Variants in SPOCK1 observed in about 807,000 individuals in gnomAD.
The protein encoded by SPOCK1 is SPARC (osteonectin), cwcv and kazal like domains proteoglycan 1.
A neutral mutation model predicts 55.3 loss-of-function variants in SPOCK1; 23 were observed. The ratio of observed to expected loss-of-function variants is 0.42; its 90% CI spans 0.30 to 0.59. The LOEUF (loss-of-function observed/expected upper bound fraction) is 0.59. Ranked by LOEUF, SPOCK1 falls within the 20% of genes least tolerant of loss-of-function variation. The pLI is 0.22. For synonymous variants in SPOCK1, 226 were observed against 221.0 expected (o/e 1.02, Z -0.20); for missense variants, 499 against 552.5 (o/e 0.90, Z 0.97).
chr5:137,492,948 C>T (rs1452057360), intron 2 of SPOCK1, among the ~76,000 whole-genome samples: 2 of 152,228 alleles, frequency 1.3e-5, no homozygotes, highest in Admixed American at 1.3e-4. Context: ...TGTCTTACTC[C>T]TTGACGGTTC....
intron 4 of SPOCK1, among the ~76,000 whole-genome samples, chr5:137,131,711 G>A (rs1358437715): frequency 1.3e-5 from 2 of 151,496 alleles, no homozygotes; most frequent in Admixed American, 6.6e-5. Context: ...GGTAGCTCAC[G>A]CCTGTAATCC....
At chr5:137,257,386 T>C (rs1316682849) in intron 3 of SPOCK1, among the ~76,000 whole-genome samples, 1 of 152,150 alleles carries the variant, frequency 6.6e-6, no homozygotes, top group African/African-American at 2.4e-5. Flanking sequence ...GGGTGAACCC[T>C]CTTGGATGTG....
At chr5:137,461,316 G>A (rs1753484728) in intron 2 of SPOCK1, among the ~76,000 whole-genome samples, 1 of 152,236 alleles carries the variant, frequency 6.6e-6, no homozygotes, top group Non-Finnish European at 1.5e-5. Context: ...CAGCTACAGA[G>A]TTTCTAGTTT....
chr5:137,195,177 C>G (rs149760301), intron 3 of SPOCK1, among the ~76,000 whole-genome samples: 1 of 152,340 alleles, frequency 6.6e-6, no homozygotes, highest in Non-Finnish European at 1.5e-5. Flanking sequence ...TTTGGCCTGT[C>G]CTTTTAATGC....
chr5:137,229,047 AT>A lies in SPOCK1; in HGVS notation c.232+37962del, dbSNP rs200428772. Among the ~76,000 whole-genome samples, 1,447 of 152,230 alleles carry A rather than the reference AT, an allele frequency of 9.5e-3. 18 individuals are homozygous for A. Among genetic ancestry groups the A allele is most frequent in the African/African-American group, 0.032 (1,342 of 41,538 alleles). On this transcript the variant is annotated intron_variant, in intron 3 of 10. Coordinates refer to ENST00000394945, the MANE Select transcript of SPOCK1 (RefSeq NM_004598.4). ...CCAGTCCAGGCCTTCTTAAATTCTG[AT>A]TAGGGGAATTTGTGGTCAGACTGCA...
chr5:137,012,900 G>A (rs950685550), intron 6 of SPOCK1, among the ~76,000 whole-genome samples: 1 of 152,170 alleles, frequency 6.6e-6, no homozygotes, highest in Non-Finnish European at 1.5e-5. Context: ...GGAAAACTGC[G>A]AAGGCATTAA....
chr5:137,359,331 A>G (rs1021875289), intron 2 of SPOCK1, among the ~76,000 whole-genome samples: 7 of 152,236 alleles, frequency 4.6e-5, no homozygotes, highest in Non-Finnish European at 4.4e-5. Context: ...TGAGCAAGAT[A>G]CAAGGCATTC....
chr5:137,202,317 A>G (rs1755442057), intron 3 of SPOCK1, among the ~76,000 whole-genome samples: 1 of 152,206 alleles, frequency 6.6e-6, no homozygotes, highest in South Asian at 2.1e-4. Context: ...TCTGGACAAA[A>G]CACTTGCTTG....
intron 3 of SPOCK1, among the ~76,000 whole-genome samples, chr5:137,151,272 C>T (rs2127058290): frequency 6.6e-6 from 1 of 152,218 alleles, no homozygotes; most frequent in Non-Finnish European, 1.5e-5. Context: ...GAATTACAGG[C>T]TTGAGCCACC....
At chr5:137,282,067 C>T (rs1169239111) in intron 2 of SPOCK1, among the ~76,000 whole-genome samples, 1 of 152,214 alleles carries the variant, frequency 6.6e-6, no homozygotes, top group Admixed American at 6.5e-5. Context: ...ATGGTGCCTA[C>T]TCTATCGGGT....
intron 2 of SPOCK1, among the ~76,000 whole-genome samples, chr5:137,465,522 A>G (rs1248867250): frequency 1.3e-5 from 2 of 151,994 alleles, no homozygotes; most frequent in African/African-American, 4.8e-5. Flanking sequence ...GAAAAGTTCT[A>G]TTGAACTGTC....
At chr5:137,246,032 G>A (rs530629148) in intron 3 of SPOCK1, among the ~76,000 whole-genome samples, 9 of 152,300 alleles carry the variant, frequency 5.9e-5, no homozygotes, top group Admixed American at 1.3e-4. Context: ...TTTCTCTCTG[G>A]ATTTCTTAGT....
At chr5:137,338,022 T>G (rs1367315190) in intron 2 of SPOCK1, among the ~76,000 whole-genome samples, 1 of 152,126 alleles carries the variant, frequency 6.6e-6, no homozygotes, top group Non-Finnish European at 1.5e-5. Flanking sequence ...CTGTATTATT[T>G]TTTTATTATT....
At chr5:137,178,095 C>T (rs1257783803) in intron 3 of SPOCK1, among the ~76,000 whole-genome samples, 1 of 152,224 alleles carries the variant, frequency 6.6e-6, no homozygotes, top group African/African-American at 2.4e-5. Context: ...TAGCCCATCT[C>T]ACCATCCAGA....
intron 5 of SPOCK1, among the ~76,000 whole-genome samples, chr5:137,108,447 A>G (rs1007680315): frequency 6.6e-6 from 1 of 152,146 alleles, no homozygotes; most frequent in East Asian, 1.9e-4. Context: ...GCCAAGAACC[A>G]ACACCCATGC....
chr5:137,223,939 A>C (rs1291423488), intron 3 of SPOCK1, among the ~76,000 whole-genome samples: 1 of 152,256 alleles, frequency 6.6e-6, no homozygotes, highest in Non-Finnish European at 1.5e-5. Context: ...GCACGCACCT[A>C]CTAAATAATA....
At chr5:137,386,554 C>T (rs957987746) in intron 2 of SPOCK1, among the ~76,000 whole-genome samples, 2 of 152,082 alleles carry the variant, frequency 1.3e-5, no homozygotes, top group Non-Finnish European at 2.9e-5. Flanking sequence ...GACAGGGAAG[C>T]AAATGGGTAA....
intron 2 of SPOCK1, among the ~76,000 whole-genome samples, chr5:137,440,584 T>A (rs1752979490): frequency 6.6e-6 from 1 of 152,368 alleles, no homozygotes; most frequent in African/African-American, 2.4e-5. Context: ...CCAGTGGGTA[T>A]AACTGTACCT....
chr5:137,266,028 G>T (rs923666382), intron 3 of SPOCK1, among the ~76,000 whole-genome samples: 4 of 152,146 alleles, frequency 2.6e-5, no homozygotes, highest in African/African-American at 9.7e-5. Context: ...ATGTATATAT[G>T]GCAATTTTAA....
Sources: gnomAD v4.1 joint callset for allele counts (sites outside exome capture counted in the v4.1 genomes callset) on GRCh38, gnomAD v4.1.1 for gene constraint, MANE v1.5 for transcripts, NCBI Gene and HGNC (gene_info 2026-07-23, HGNC 2026-07-21) for gene names.